The following BMPR2 variants were observed in gnomAD, a reference collection of about 807,000 sequenced individuals.
The protein encoded by BMPR2 is bone morphogenetic protein receptor type-2.
Under a neutral mutation model 100.8 loss-of-function variants are expected in BMPR2, and 29 were observed. The observed-to-expected ratio is 0.29, with a 90% CI of 0.21 to 0.39. The LOEUF is 0.39. Ranked by LOEUF, BMPR2 falls within the 10% of genes least tolerant of loss-of-function variation. The pLI, the probability that BMPR2 is intolerant of heterozygous loss-of-function variation, is 1.00. For synonymous variants in BMPR2, 382 were observed against 442.3 expected (o/e 0.86, Z 1.71); for missense variants, 1,011 against 1,274.5 (o/e 0.79, Z 3.15).
chr2:202,515,943 T>A (rs1353764859), intron 5 of BMPR2, among the ~76,000 whole-genome samples: 1 of 152,016 alleles, frequency 6.6e-6, no homozygotes, highest in East Asian at 1.9e-4. Flanking sequence ...GATTAGAGAT[T>A]TGTACAGGGT....
At chr2:202,507,862 G>A (rs2105997366) in intron 3 of BMPR2, among the ~76,000 whole-genome samples, 1 of 151,582 alleles carries the variant, frequency 6.6e-6, no homozygotes, top group East Asian at 1.9e-4. Context: ...ACCATGCCCG[G>A]CTAATTTTTG....
intron 3 of BMPR2, among the ~76,000 whole-genome samples, chr2:202,480,504 T>C (rs1692637525): frequency 2.0e-5 from 3 of 152,188 alleles, no homozygotes; most frequent in Admixed American, 1.3e-4. Context: ...GTTTTAGCTC[T>C]TACATTTAGG....
chr2:202,411,045 A>G (rs1691004482), intron 1 of BMPR2, among the ~76,000 whole-genome samples: 1 of 152,164 alleles, frequency 6.6e-6, no homozygotes, highest in African/African-American at 2.4e-5. Flanking sequence ...GGCGATCTCC[A>G]TGGCAGGTTC....
chr2:202,424,304 G>A (rs1403350786), intron 1 of BMPR2, among the ~76,000 whole-genome samples: 1 of 152,090 alleles, frequency 6.6e-6, no homozygotes, highest in Non-Finnish European at 1.5e-5. Context: ...AACCCAGGAG[G>A]TGGAGGTTGC....
At chr2:202,435,019 C>T (rs1161196046) in intron 1 of BMPR2, among the ~76,000 whole-genome samples, 3 of 141,810 alleles carry the variant, frequency 2.1e-5, no homozygotes, top group African/African-American at 5.6e-5. Context: ...GTTGCAGACC[C>T]GCCTGGGCAA....
chr2:202,421,270 A>G (rs1691256375), intron 1 of BMPR2, among the ~76,000 whole-genome samples: 1 of 147,908 alleles, frequency 6.8e-6, no homozygotes, highest in African/African-American at 2.5e-5. Context: ...GAGAAATTAT[A>G]TTGAGGCCAG....
intron 1 of BMPR2, among the ~76,000 whole-genome samples, chr2:202,452,637 A>G (rs1262137615): frequency 2.0e-5 from 3 of 152,194 alleles, no homozygotes; most frequent in Non-Finnish European, 4.4e-5. Context: ...TGGTTCTAAT[A>G]GTTCTTGTTA....
At chr2:202,534,412 C>G (rs1047763914) in intron 9 of BMPR2, among the ~76,000 whole-genome samples, 1 of 151,634 alleles carries the variant, frequency 6.6e-6, no homozygotes, top group African/African-American at 2.4e-5. Context: ...TGCGGCCTTC[C>G]GCAGTGTTTG....
chr2:202,455,310 G>A (rs1310275072), intron 1 of BMPR2, among the ~76,000 whole-genome samples: 1 of 152,142 alleles, frequency 6.6e-6, no homozygotes, highest in African/African-American at 2.4e-5. Flanking sequence ...CACTTTGGGA[G>A]GCCAAGTTAG....
intron 1 of BMPR2, among the ~76,000 whole-genome samples, chr2:202,438,003 G>T (rs1333793796): frequency 6.7e-6 from 1 of 150,274 alleles, no homozygotes; most frequent in Non-Finnish European, 1.5e-5. Context: ...TGCTGGGTCA[G>T]GTGGTTAAGG....
chr2:202,508,784 C>G (rs1443986013), intron 3 of BMPR2, among the ~76,000 whole-genome samples: 2 of 152,172 alleles, frequency 1.3e-5, no homozygotes, highest in Non-Finnish European at 2.9e-5. Context: ...GAACAAGCAA[C>G]CTTCCATTGG....
chr2:202,398,338 G>A (rs972318804), intron 1 of BMPR2, among the ~76,000 whole-genome samples: 4 of 152,132 alleles, frequency 2.6e-5, no homozygotes, highest in Non-Finnish European at 5.9e-5. Context: ...TGTTTTTAGG[G>A]AAATTTCTCA....
At chr2:202,453,978 A>C (rs1256317338) in intron 1 of BMPR2, among the ~76,000 whole-genome samples, 1 of 152,246 alleles carries the variant, frequency 6.6e-6, no homozygotes, top group Non-Finnish European at 1.5e-5. Flanking sequence ...ATTTTTTGTA[A>C]GAGATGCTAT....
rs569935739 is a variant in BMPR2 at position 202,437,461 on chromosome 2, G to A, written c.77-27348G>A. Among the ~76,000 whole-genome samples, 3 of 149,822 alleles carry A rather than the reference G, an allele frequency of 2.0e-5. No homozygotes were observed. The South Asian group carries it at 6.2e-4, about 31-fold the overall frequency. On this transcript the variant is annotated intron_variant, in intron 1 of 12. Coordinates refer to ENST00000374580, the MANE Select transcript of BMPR2 (RefSeq NM_001204.7). ...TTTTCTTTTTTATAACAGCTTTATTGGGATATAATCTACATAGCATATAAT... is the reference window on the plus strand; with the variant it reads ...TTTTCTTTTTTATAACAGCTTTATTAGGATATAATCTACATAGCATATAAT...
chr2:202,542,265 G>T (rs1311532253), intron 9 of BMPR2, 46 bp from the exon 10 acceptor site: 1 of 1,605,784 alleles, frequency 6.2e-7, no homozygotes, highest in East Asian at 2.2e-5. Flanking sequence ...TATCATTTAT[G>T]ATAGTTAGAA....
At chr2:202,456,781 C>T (rs1382882326) in intron 1 of BMPR2, among the ~76,000 whole-genome samples, 1 of 152,128 alleles carries the variant, frequency 6.6e-6, no homozygotes, top group East Asian at 1.9e-4. Context: ...TCCTAAAGTG[C>T]TGGGATTACA....
intron 3 of BMPR2, among the ~76,000 whole-genome samples, chr2:202,500,143 G>A (rs1273769849): frequency 6.6e-6 from 1 of 152,124 alleles, no homozygotes; most frequent in Non-Finnish European, 1.5e-5. Context: ...CTGAGCCCCG[G>A]GTATGTTTAA....
At chr2:202,400,881 T>G (rs899118203) in intron 1 of BMPR2, among the ~76,000 whole-genome samples, 1 of 152,220 alleles carries the variant, frequency 6.6e-6, no homozygotes, top group African/African-American at 2.4e-5. Flanking sequence ...TTTAAATTAC[T>G]TAATTCTACT....
intron 11 of BMPR2, among the ~76,000 whole-genome samples, chr2:202,553,342 T>A (rs1488774702): frequency 6.6e-6 from 1 of 152,162 alleles, no homozygotes; most frequent in Admixed American, 6.5e-5. Context: ...TATCTAATGC[T>A]CTTTCTTATA....
Sources: gnomAD v4.1 joint callset for allele counts (sites outside exome capture counted in the v4.1 genomes callset) on GRCh38, gnomAD v4.1.1 for gene constraint, MANE v1.5 for transcripts, NCBI Gene and HGNC (gene_info 2026-07-23, HGNC 2026-07-21) for gene names.